The following KAZN variants were observed in gnomAD, a reference collection of about 807,000 sequenced individuals.
KAZN encodes the protein kazrin.
In KAZN, 40 loss-of-function variants were observed where a neutral mutation model predicts 87.4. The observed-to-expected ratio is 0.46, with a 90% CI of 0.36 to 0.60. The LOEUF (loss-of-function observed/expected upper bound fraction) is 0.60, where lower values mean the gene tolerates loss of function less well. Among genes scored for constraint, KAZN ranks in the 20% least tolerant of loss-of-function variants. The pLI, the probability that KAZN is intolerant of heterozygous loss-of-function variation, is 0.00. For missense variants in KAZN, 898 were observed against 1,073.9 expected, an observed-to-expected ratio of 0.84 and a Z score of 2.29; for synonymous variants, 466 against 458.3, an observed-to-expected ratio of 1.02 and a Z score of -0.22.
At chr1:14,075,582 C>G (rs1335963329) in intron 1 of KAZN, among the ~76,000 whole-genome samples, 1 of 152,088 alleles carries the variant, frequency 6.6e-6, no homozygotes, top group Non-Finnish European at 1.5e-5. Context: ...CTAATGTGGG[C>G]AGACTTTTAA....
chr1:13,977,899 G>T (rs1219574518), intron 1 of KAZN, among the ~76,000 whole-genome samples: 1 of 152,072 alleles, frequency 6.6e-6, no homozygotes, highest in African/African-American at 2.4e-5. Context: ...AGGCCGAGGC[G>T]GGTGTATCAC....
At chr1:14,078,594 G>A (rs1313763884) in intron 1 of KAZN, among the ~76,000 whole-genome samples, 1 of 152,238 alleles carries the variant, frequency 6.6e-6, no homozygotes, top group East Asian at 1.9e-4. Flanking sequence ...CAGATTGAGT[G>A]TCTGGTGAGG....
intron 1 of KAZN, among the ~76,000 whole-genome samples, chr1:14,801,733 G>A (rs1440827082): frequency 2.0e-5 from 3 of 151,590 alleles, no homozygotes; most frequent in African/African-American, 7.3e-5. Context: ...GCCCAGGCTG[G>A]AGTGCAGTGG....
At chr1:14,375,722 T>TA (rs989068294) in intron 2 of KAZN, among the ~76,000 whole-genome samples, 49 of 151,926 alleles carry the variant, frequency 3.2e-4, no homozygotes, top group African/African-American at 1.2e-3. Context: ...CCATCTCTAC[T>TA]AAAAAAATAC....
chr1:14,491,957 A>T (rs2148409498), intron 2 of KAZN, among the ~76,000 whole-genome samples: 1 of 152,254 alleles, frequency 6.6e-6, no homozygotes, highest in Non-Finnish European at 1.5e-5. Flanking sequence ...ATTGCTTTTC[A>T]GTGTCTCGAG....
intron 1 of KAZN, among the ~76,000 whole-genome samples, chr1:13,902,505 C>T (rs185484469): frequency 1.5e-3 from 227 of 152,268 alleles, no homozygotes; most frequent in Middle Eastern, 6.8e-3. Context: ...ATTTTTATCA[C>T]TTGTGTTCCC....
chr1:14,739,659 C>A (rs1644024217), intron 1 of KAZN, among the ~76,000 whole-genome samples: 1 of 151,526 alleles, frequency 6.6e-6, no homozygotes, highest in Non-Finnish European at 1.5e-5. Flanking sequence ...ACACCACCAA[C>A]TTCCCCTTTT....
chr1:14,617,805 A>G (rs1678374241), intron 1 of KAZN, among the ~76,000 whole-genome samples: 1 of 152,190 alleles, frequency 6.6e-6, no homozygotes. Context: ...TGGTTTTTCA[A>G]ATAAAAATCC....
chr1:14,720,407 T>C (rs892016175), intron 1 of KAZN, among the ~76,000 whole-genome samples: 1 of 152,158 alleles, frequency 6.6e-6, no homozygotes, highest in African/African-American at 2.4e-5. Context: ...TGAGTCTGAT[T>C]CCTTTCTGTG....
chr1:14,312,756 T>C (rs1655390849), intron 2 of KAZN, among the ~76,000 whole-genome samples: 2 of 152,256 alleles, frequency 1.3e-5, no homozygotes, highest in South Asian at 4.1e-4. Context: ...ACTCTCTCTG[T>C]TGCCTTCTTG....
chr1:14,049,014 A>C (rs1642194035), intron 1 of KAZN, among the ~76,000 whole-genome samples: 1 of 152,194 alleles, frequency 6.6e-6, no homozygotes. Flanking sequence ...ACACATGCAC[A>C]CGTATGTTTA....
At chr1:14,598,507 C>CT (rs1212096525), upstream of KAZN, among the ~76,000 whole-genome samples, 1 of 152,104 alleles carries the variant, frequency 6.6e-6, no homozygotes, top group African/African-American at 2.4e-5. This position sits in a 1 kb window ranked among gnomAD's most constrained non-coding sequence, Gnocchi z 4.2. Flanking sequence ...TCGCCAGGGG[C>CT]GCCACCTTGG....
At chr1:14,622,457 G>A (rs530497266) in intron 1 of KAZN, among the ~76,000 whole-genome samples, 15 of 152,074 alleles carry the variant, frequency 9.9e-5, no homozygotes, top group South Asian at 2.1e-4. Context: ...TTGGGAGGCC[G>A]AGGCGGGCGG....
intron 8 of KAZN, among the ~76,000 whole-genome samples, chr1:15,076,574 C>A (rs1395303191): frequency 2.6e-5 from 4 of 152,354 alleles, no homozygotes; most frequent in Admixed American, 2.6e-4. Flanking sequence ...CAGAGGCCCA[C>A]GTGACAGAAA....
intron 1 of KAZN, among the ~76,000 whole-genome samples, chr1:14,682,648 T>C (rs1557886708): frequency 6.6e-6 from 1 of 152,134 alleles, no homozygotes; most frequent in Non-Finnish European, 1.5e-5. Flanking sequence ...CCACATTTTG[T>C]TGTTATATTT....
intron 2 of KAZN, among the ~76,000 whole-genome samples, chr1:14,312,717 C>G (rs143595841): frequency 0.011 from 1,682 of 152,184 alleles, 27 homozygotes; most frequent in Non-Finnish European, 0.015. Flanking sequence ...GATTGGGTTA[C>G]AGAAGATGGT....
chr1:14,418,440 A>G lies in KAZN; in HGVS notation c.250-180543A>G, dbSNP rs575555423. On this transcript the variant is annotated intron_variant, in intron 2 of 16. Coordinates refer to the KAZN transcript ENST00000636203. Reference sequence around the variant, plus strand: ...AACAGTGGCCACTACTTTTATTATTACTGTCAGCATGTAACCAATGGAAAT... The same window carrying G: ...AACAGTGGCCACTACTTTTATTATTGCTGTCAGCATGTAACCAATGGAAAT... 1.4e-4 allele frequency among the ~76,000 whole-genome samples: 22 copies of G among 152,294 alleles called. No individual in the cohort carries two copies. The South Asian group carries it at 4.6e-3, about 32-fold the overall frequency.
intron 1 of KAZN, among the ~76,000 whole-genome samples, chr1:14,151,759 T>A (rs1645478182): frequency 6.6e-6 from 1 of 152,228 alleles, no homozygotes; most frequent in Non-Finnish European, 1.5e-5. Context: ...TTCCTGGGCC[T>A]TTGGCCATCC....
rs556489154 is a variant in KAZN at position 15,099,955 on chromosome 1, C to T, written c.1548-1588C>T. ...TTGGGAGCTGGGTGACAGAGAAGGG[C>T]CCCTGGGTGACGGTGACAGTGACAG... On this transcript the variant is annotated intron_variant, in intron 10 of 14. Transcript: ENST00000376030. This position sits in a 1 kb window ranked among gnomAD's most constrained non-coding sequence, Gnocchi z 5.4. 1.9e-4 allele frequency among the ~76,000 whole-genome samples: 29 copies of T among 152,190 alleles called. No individual in the cohort carries two copies. Among genetic ancestry groups the T allele is most frequent in the African/African-American group, 6.5e-4 (27 of 41,502 alleles).
Sources: gnomAD v4.1 joint callset for allele counts (sites outside exome capture counted in the v4.1 genomes callset) on GRCh38, gnomAD v4.1.1 for gene constraint, Gnocchi (gnomAD v3.1) non-coding constraint, MANE v1.5 for transcripts, NCBI Gene and HGNC (gene_info 2026-07-23, HGNC 2026-07-21) for gene names.